PDGFRB: variants seen among roughly 807,000 people sequenced by gnomAD.
PDGFRB encodes the protein platelet-derived growth factor receptor beta.
A neutral mutation model predicts 120.2 loss-of-function variants in PDGFRB; 42 were observed. The ratio of observed to expected loss-of-function variants is 0.35; its 90% CI spans 0.27 to 0.45. The LOEUF (loss-of-function observed/expected upper bound fraction) is 0.45, where lower values mean the gene tolerates loss of function less well. PDGFRB is among the 20% of genes least tolerant of loss of function. The pLI is 1.00. For synonymous variants in PDGFRB, 586 were observed against 606.8 expected (o/e 0.97, Z 0.50); for missense variants, 1,149 against 1,476.3 (o/e 0.78, Z 3.63).
In PDGFRB at chr5:150,121,950, T is replaced by G; in HGVS notation, c.2274A>C (p.Lys758Asn). The G allele has an allele frequency of 5.0e-6, 8 of 1,613,662 alleles. No individual in the cohort carries two copies. The highest frequency in any genetic ancestry group is 5.9e-6 in the Non-Finnish European group (7 of 1,179,536). ...CGATGTCTGCATATTTGACGTCTCC[T>G]TTCATGTCCAGCATGGGCACATAGT... ...SVDYVPMLDM[K>N]GDVKYADIES... is the part of the protein sequence containing the mutation. The change falls in exon 16 of 23, where the codon AAA becomes AAC. Residue 758 changes from lysine (K) to asparagine (N), a missense_variant. By Grantham distance (94) the Lys-to-Asn change is moderately conservative (BLOSUM62 0). Transcript: ENST00000261799. The surrounding 1 kb of genome is among the most constrained non-coding windows in gnomAD (Gnocchi z 4.1).
rs2113889936 is a variant in PDGFRB, at chr5:150,121,286, T to A, written c.2381A>T (p.Glu794Val). ...ERTCRATLIN[E>V]SPVLSYMDLV... Reference sequence around the variant, plus strand: ...GTCCATGTAGCTTAGCACTGGAGACTCGTTGATCAAAGTTGCTCGGCAGGT... The same window carrying A: ...GTCCATGTAGCTTAGCACTGGAGACACGTTGATCAAAGTTGCTCGGCAGGT... The change falls in exon 17 of 23, where the codon GAG (glutamate) becomes GTG (valine). Residue 794 changes from glutamate to valine, a missense_variant. Physicochemically the swap from Glu to Val is moderately radical, Grantham distance 121. Around this residue, in one of 3 missense-constraint regions of PDGFRB, gnomAD observed 879 missense variants for 1,108.6 expected, o/e 0.79. Coordinates refer to ENST00000261799, the MANE Select transcript of PDGFRB (RefSeq NM_002609.4). The surrounding 1 kb of genome is among the most constrained non-coding windows in gnomAD (Gnocchi z 4.1). The A allele has an allele frequency of 3.7e-6, 6 of 1,605,276 alleles. No individual in the cohort carries two copies. Among genetic ancestry groups the A allele is most frequent in the Non-Finnish European group, 5.1e-6 (6 of 1,171,954 alleles).
At position 150,124,820 on chromosome 5, in the gene PDGFRB, C is replaced by T; in HGVS notation, c.1819G>A (p.Gly607Ser). ...RDQLVLGRTL[G>S]SGAFGQVVEA... ...ACCACCTGCCCAAAGGCCCCAGAGCCGAGGGTGCGTCCTGGTGCAGAGATG... is the reference window on the plus strand; with the variant it reads ...ACCACCTGCCCAAAGGCCCCAGAGCTGAGGGTGCGTCCTGGTGCAGAGATG... The change falls in exon 13 of 23, where the codon GGC becomes AGC. Residue 607 changes from glycine (G) to serine (S), a missense_variant. Around this residue, in one of 3 missense-constraint regions of PDGFRB, gnomAD observed 879 missense variants for 1,108.6 expected, o/e 0.79. Transcript: ENST00000261799. The T allele has an allele frequency of 1.3e-6, 2 of 1,594,426 alleles. No individual in the cohort carries two copies. Among genetic ancestry groups the T allele is most frequent in the Non-Finnish European group, 8.6e-7 (1 of 1,166,592 alleles).
At chr5:150,117,553 C>G (rs919050019) in intron 22 of PDGFRB, 65 bp downstream of exon 22, 12 of 823,500 alleles carry the variant, frequency 1.5e-5, no homozygotes, top group Non-Finnish European at 2.1e-5. Flanking sequence ...CGCACACACA[C>G]ACACACACAC....
In PDGFRB at chr5:150,120,264, C is replaced by A. The variant is rs372769394; in HGVS notation, c.2587-141G>T. On this transcript the variant is annotated intron_variant, in intron 18 of 22. Coordinates refer to ENST00000261799, the MANE Select transcript of PDGFRB (RefSeq NM_002609.4). This position sits in a 1 kb window ranked among gnomAD's most constrained non-coding sequence, Gnocchi z 4.3. Reference sequence around the variant, plus strand: ...TTCCCTGTGAGGGCCCTGGTCTCTGCGCAGCACAGTTCCCATGTCCATCCC... The same window carrying A: ...TTCCCTGTGAGGGCCCTGGTCTCTGAGCAGCACAGTTCCCATGTCCATCCC... 2.1e-5 allele frequency: 13 copies of A among 622,628 alleles called. No individual in the cohort carries two copies. The highest frequency in any genetic ancestry group is 2.0e-4 in the African/African-American group (11 of 55,206). The allele number at this position is 622,628 out of a possible 1,614,324, so 38.6% of individuals were successfully genotyped here.
chr5:150,115,486 T>A lies in PDGFRB; in HGVS notation c.*277A>T. On this transcript the variant is annotated 3_prime_UTR_variant, in exon 23 of 23. Transcript: ENST00000261799. ...TGGGTCATCAAGCCTAACTTTCCCATTTTACATATGGGAAAACTGAGTTCC... is the reference window on the plus strand; with the variant it reads ...TGGGTCATCAAGCCTAACTTTCCCAATTTACATATGGGAAAACTGAGTTCC... 3.0e-6 allele frequency: 1 copy of A among 332,146 alleles called. No individual in the cohort carries two copies. 20.6% of individuals were successfully genotyped at this position (332,146 alleles called of 1,614,324 possible). A position where few individuals can be genotyped will look rare whatever the true frequency, so the allele number is the denominator to read the frequency against.
chr5:150,137,585 G>C (rs1222074488), intron 1 of PDGFRB: 1 of 156,212 alleles, frequency 6.4e-6, no homozygotes, highest in Non-Finnish European at 1.4e-5. Flanking sequence ...GGGAAGGGAA[G>C]CCGGGGAGCC....
chr5:150,134,141 T>C (rs998753469), intron 4 of PDGFRB, 133 bp from the exon 5 acceptor site: 3 of 806,498 alleles, frequency 3.7e-6, no homozygotes, highest in Non-Finnish European at 6.3e-6. Context: ...AACAAATATT[T>C]ACTGAATACC....
chr5:150,117,891 C>T (rs1333368276), intron 21 of PDGFRB, 41 bp from the exon 22 acceptor site: 1 of 1,221,994 alleles, frequency 8.2e-7, no homozygotes, highest in African/African-American at 1.5e-5. Flanking sequence ...CAGGGATGGT[C>T]AGGCCAGAAA....
chr5:150,136,975 C>T (rs763913247), intron 2 of PDGFRB, 33 bp downstream of exon 2: 2 of 1,592,392 alleles, frequency 1.3e-6, no homozygotes, highest in Non-Finnish European at 1.7e-6. Flanking sequence ...CCGCAGCCCC[C>T]CGGGTCCCCT....
At chr5:150,118,494 C>A (rs1207671336) in intron 21 of PDGFRB, among the ~76,000 whole-genome samples, 3 of 152,172 alleles carry the variant, frequency 2.0e-5, no homozygotes, top group Non-Finnish European at 2.9e-5. Context: ...GCAGGACAGA[C>A]AGTGCTCTAG....
intron 6 of PDGFRB, among the ~76,000 whole-genome samples, 188 bp downstream of exon 6, chr5:150,133,398 G>C (rs1167767925): frequency 2.6e-5 from 4 of 152,172 alleles, no homozygotes; most frequent in African/African-American, 7.2e-5. Context: ...GGTTGGCACA[G>C]AGGCTAGCTA....
At chr5:150,149,961 C>G (rs1051412018) in intron 1 of PDGFRB, among the ~76,000 whole-genome samples, 2 of 152,180 alleles carry the variant, frequency 1.3e-5, no homozygotes, top group Non-Finnish European at 2.9e-5. Flanking sequence ...CTGGATGGAC[C>G]TCTGGGGGCC....
intron 1 of PDGFRB, among the ~76,000 whole-genome samples, chr5:150,151,897 A>G (rs1761087455): frequency 1.3e-5 from 2 of 149,882 alleles, no homozygotes; most frequent in South Asian, 2.1e-4. Flanking sequence ...GAGAGTTTAT[A>G]TATCTAATTT....
In PDGFRB at chr5:150,155,803, G is replaced by A. The variant is rs933270341; in HGVS notation, c.-413C>T. On this transcript the variant is annotated 5_prime_UTR_variant, in exon 1 of 23. Coordinates refer to ENST00000261799, the MANE Select transcript of PDGFRB (RefSeq NM_002609.4). Reference sequence around the variant, plus strand: ...TCTGGCTCCAAGTTGCTCACAGAGCGATCCTGGGTCCCAGATAGGGCGGGC... The same window carrying A: ...TCTGGCTCCAAGTTGCTCACAGAGCAATCCTGGGTCCCAGATAGGGCGGGC... The A allele has an allele frequency of 7.3e-5, 29 of 397,678 alleles. No homozygotes were observed. The highest frequency in any genetic ancestry group is 1.8e-4 in the African/African-American group (9 of 48,738). The allele number at this position is 397,678 out of a possible 1,614,324, so 24.6% of individuals were successfully genotyped here. A position where few individuals can be genotyped will look rare whatever the true frequency, so the allele number is the denominator to read the frequency against.
chr5:150,130,180 T>A (rs1009299690), intron 9 of PDGFRB, among the ~76,000 whole-genome samples: 6 of 152,204 alleles, frequency 3.9e-5, no homozygotes, highest in African/African-American at 1.4e-4. Flanking sequence ...CCATTCTTAT[T>A]TGACCCACGG....
chr5:150,149,311 G>A (rs1761008067), intron 1 of PDGFRB, among the ~76,000 whole-genome samples: 1 of 152,202 alleles, frequency 6.6e-6, no homozygotes, highest in African/African-American at 2.4e-5. Context: ...TACATAATTT[G>A]TGGGGCAAGC....
intron 4 of PDGFRB, 112 bp downstream of exon 4, chr5:150,134,638 G>T: frequency 1.0e-6 from 1 of 974,342 alleles, no homozygotes; most frequent in Non-Finnish European, 1.5e-6. Flanking sequence ...GAAGGCTGTG[G>T]TGAGAATCCA....
At position 150,124,544 on chromosome 5, in the gene PDGFRB, G is replaced by A. The variant is rs1760239642; in HGVS notation, c.1912+183C>T. On this transcript the variant is annotated intron_variant, in intron 13 of 22. Coordinates refer to ENST00000261799, the MANE Select transcript of PDGFRB (RefSeq NM_002609.4). ...AGGGTAGGGGGAAGCAGGCCGAGGAGGCCAGGGAGAGGAACGCTCTTTCCC... is the reference window on the plus strand; with the variant it reads ...AGGGTAGGGGGAAGCAGGCCGAGGAAGCCAGGGAGAGGAACGCTCTTTCCC... 6.4e-6 allele frequency: 4 copies of A among 624,482 alleles called. No homozygotes were observed. The Admixed American group carries it at 1.2e-4, about 18-fold the overall frequency. 38.7% of individuals were successfully genotyped at this position (624,482 alleles called of 1,614,324 possible).
At chr5:150,150,563 C>CCTGCACCAGGCTGGGGGTGGG (rs3836744) in intron 1 of PDGFRB, among the ~76,000 whole-genome samples, 29,710 of 150,472 alleles carry the variant, frequency 0.2, 3,120 homozygotes, top group Middle Eastern at 0.27. Context: ...TTTTCAGCCT[C>CCTGCACCAGGCTGGGGGTGGG]CTGCACCAGG....
Sources: allele counts gnomAD v4.1 joint callset (sites outside exome capture counted in the v4.1 genomes callset), GRCh38; gene constraint gnomAD v4.1.1; regional missense constraint gnomAD v4.1.1; non-coding constraint Gnocchi (gnomAD v3.1); transcripts MANE v1.5; gene names NCBI Gene and HGNC (gene_info 2026-07-23, HGNC 2026-07-21).